The following KIF7 variants were observed in gnomAD, a reference collection of about 807,000 sequenced individuals.
KIF7 encodes the protein kinesin-like protein KIF7.
In KIF7, 104 loss-of-function variants were observed where a neutral mutation model predicts 135.7. The observed-to-expected ratio is 0.77, with a 90% CI of 0.65 to 0.90. KIF7 has a LOEUF of 0.90. Ranked by LOEUF, KIF7 falls within the 40% of genes least tolerant of loss-of-function variation. The pLI is 0.00. For missense variants in KIF7, 2,005 were observed against 1,839.1 expected (o/e 1.09, Z -1.65); for synonymous variants, 883 against 809.4 (o/e 1.09, Z -1.54).
intron 11 of KIF7, among the ~76,000 whole-genome samples, chr15:89,634,548 G>C (rs1422133650): frequency 2.0e-5 from 3 of 152,214 alleles, no homozygotes; most frequent in Non-Finnish European, 2.9e-5. Context: ...CCCTTTCCTA[G>C]TCAAACGAAG....
Position 89,635,113 on chromosome 15 carries a change from G to C in KIF7, c.2395-1230C>G, listed in dbSNP as rs550181511. The stretch of plus-strand genomic sequence containing the variant: ...GTACTCCAACAGACCTGCAGCTGAG[G>C]GTCCTGTATGTTAGAAGGAAAACTA... On this transcript the variant is annotated intron_variant, in intron 11 of 18. Transcript: ENST00000394412. Among the ~76,000 whole-genome samples, 6 of 151,728 alleles carry C rather than the reference G, an allele frequency of 4.0e-5. No homozygotes were observed. The South Asian group carries it at 8.3e-4, about 21-fold the overall frequency.
intron 11 of KIF7, among the ~76,000 whole-genome samples, chr15:89,637,529 A>C (rs1345089897): frequency 1.3e-5 from 2 of 151,838 alleles, no homozygotes; most frequent in African/African-American, 4.8e-5. Context: ...CCATCAGAGA[A>C]TACTACAAAC....
chr15:89,630,558 C>T, intron 15 of KIF7, 65 bp from the exon 16 acceptor site: 4 of 1,344,676 alleles, frequency 3.0e-6, no homozygotes, highest in South Asian at 2.5e-5. Context: ...CCTGGGCAGA[C>T]ATGCAACAGC....
At chr15:89,630,719 C>A in intron 15 of KIF7, 1 of 598,182 alleles carries the variant, frequency 1.7e-6, no homozygotes, top group Non-Finnish European at 3.0e-6. Flanking sequence ...AACTGCAAGC[C>A]TCTGTGAATG....
At chr15:89,624,395 C>A, downstream of KIF7, 1 of 1,614,218 alleles carries the variant, frequency 6.2e-7, no homozygotes, top group Non-Finnish European at 8.5e-7. Flanking sequence ...TCAACTCCCC[C>A]TGAACTCTCA....
At chr15:89,621,621 A>G (rs1203505434) in intron 1 of KIF7, 1 of 1,341,328 alleles carries the variant, frequency 7.5e-7, no homozygotes, top group Non-Finnish European at 1.0e-6. Flanking sequence ...AGGAACTCAG[A>G]GTCCATTAGG....
intron 1 of KIF7, chr15:89,621,372 GTTGC>G: frequency 6.3e-7 from 1 of 1,588,196 alleles, no homozygotes; most frequent in Non-Finnish European, 8.5e-7. Flanking sequence ...ATTAAATATT[GTTGC>G]TGTTTTTGAC....
At position 89,629,680 on chromosome 15, in the gene KIF7, A is replaced by G. The variant is rs115779159; in HGVS notation, c.3319-107T>C. ...GCACACTTGCCACCACGGCACTAAG[A>G]AATCACCAGGGTCTTCCCTGCTGAG... is the stretch of plus-strand genomic sequence containing the variant. On this transcript the variant is annotated intron_variant, in intron 16 of 18. Coordinates refer to ENST00000394412, the MANE Select transcript of KIF7 (RefSeq NM_198525.3). The G allele has an allele frequency of 3.4e-6, 5 of 1,462,970 alleles. No homozygotes were observed. In the African/African-American group the frequency reaches 6.9e-5, roughly 20 times the overall value. The allele number at this position is 1,462,970 out of a possible 1,614,324, so 90.6% of individuals were successfully genotyped here. A position where few individuals can be genotyped will look rare whatever the true frequency, so the allele number is the denominator to read the frequency against.
At chr15:89,625,573 A>G (rs772892188), downstream of KIF7, 14 of 1,612,948 alleles carry the variant, frequency 8.7e-6, no homozygotes, top group African/African-American at 5.3e-5. Context: ...TCCCAGGAAC[A>G]GCATGCCTAA....
At chr15:89,650,058 G>A in intron 2 of KIF7, 117 bp from the exon 3 acceptor site, 1 of 1,082,524 alleles carries the variant, frequency 9.2e-7, no homozygotes, top group East Asian at 2.6e-5. Context: ...GGATGGAGAA[G>A]GCAGTGGCCG....
Position 89,637,608 on chromosome 15 carries a change from A to G in KIF7, c.2395-3725T>C, listed in dbSNP as rs553140836. 2.9e-4 allele frequency among the ~76,000 whole-genome samples: 43 copies of G among 149,460 alleles called. 2 individuals carry two copies. The East Asian group carries it at 7.9e-3, about 27-fold the overall frequency. On this transcript the variant is annotated intron_variant, in intron 11 of 18. Coordinates refer to ENST00000394412, the MANE Select transcript of KIF7 (RefSeq NM_198525.3). The stretch of plus-strand genomic sequence containing the variant: ...ATTCCTCGACACATACACTCTCCCA[A>G]GACTAAACCAGGAAGAAGTTGAATC...
chr15:89,646,763 C>A, intron 7 of KIF7, 67 bp downstream of exon 7: 1 of 1,468,416 alleles, frequency 6.8e-7, no homozygotes. Context: ...CCAGTGCCCC[C>A]TTCCCCTGCC....
intron 1 of KIF7, among the ~76,000 whole-genome samples, chr15:89,621,982 CTTTTTTTTTTT>C (rs34123859): frequency 1.1e-5 from 1 of 87,778 alleles, no homozygotes; most frequent in Non-Finnish European, 2.1e-5. Flanking sequence ...CAAACTGACT[CTTTTTTTTTTT>C]TTTTTTTTTT....
intron 2 of KIF7, among the ~76,000 whole-genome samples, chr15:89,650,670 G>A (rs916429480): frequency 1.3e-5 from 2 of 152,116 alleles, no homozygotes; most frequent in Non-Finnish European, 2.9e-5. Context: ...GGGATTACAG[G>A]CATGAGCCAC....
rs757175418 is a variant in KIF7, at chr15:89,633,858, G to T, written c.2420C>A (p.Thr807Lys). ...VQVLKEKKQATERLVSLSAQS... is the reference protein window; with the variant it reads ...VQVLKEKKQAKERLVSLSAQS... Reference sequence around the variant, plus strand: ...GGCCGACAGTGACACCAGCCGCTCCGTAGCCTGCTTCTTCTCCTTCAGCAC... The same window carrying T: ...GGCCGACAGTGACACCAGCCGCTCCTTAGCCTGCTTCTTCTCCTTCAGCAC... Residue 807 changes from threonine (T) to lysine (K), a missense_variant, in exon 12 of 19, where the codon ACG becomes AAG. By Grantham distance (78) the Thr-to-Lys change is moderately conservative. Coordinates refer to ENST00000394412, the MANE Select transcript of KIF7 (RefSeq NM_198525.3). 1 of 1,613,688 alleles carries T rather than the reference G, an allele frequency of 6.2e-7. No individual in the cohort carries two copies. The highest frequency in any genetic ancestry group is 1.3e-5 in the African/African-American group (1 of 75,052).
rs963725741 is a variant in KIF7 at position 89,652,934 on chromosome 15, G to T, written c.-4C>A. The T allele has an allele frequency of 1.3e-6, 2 of 1,508,812 alleles. No individual in the cohort carries two copies. Among genetic ancestry groups the T allele is most frequent in the South Asian group, 2.5e-5 (2 of 79,946 alleles). The allele number at this position is 1,508,812 out of a possible 1,614,324, so 93.5% of individuals were successfully genotyped here. On this transcript the variant is annotated 5_prime_UTR_variant, in exon 2 of 19. Transcript: ENST00000394412. ...GCCTCTGAGCCTCCAGCCCCATGCCGAGGGAGGACTGCTCTGGGCCCTGTG... is the reference window on the plus strand; with the variant it reads ...GCCTCTGAGCCTCCAGCCCCATGCCTAGGGAGGACTGCTCTGGGCCCTGTG...
intron 11 of KIF7, 127 bp downstream of exon 11, chr15:89,642,076 G>T: frequency 1.0e-6 from 1 of 982,556 alleles, no homozygotes; most frequent in Non-Finnish European, 1.5e-6. Flanking sequence ...ACCCTGCAGG[G>T]CCAGGGCTGG....
At chr15:89,622,959 C>T (rs915101342) in intron 1 of KIF7, among the ~76,000 whole-genome samples, 3 of 152,192 alleles carry the variant, frequency 2.0e-5, no homozygotes, top group Non-Finnish European at 4.4e-5. Flanking sequence ...TTTTCACCTG[C>T]GTATGCCCCA....
At chr15:89,624,108 C>T (rs1347385350), downstream of KIF7, 2 of 1,613,820 alleles carry the variant, frequency 1.2e-6, no homozygotes, top group South Asian at 2.2e-5. Flanking sequence ...ATCAAACACA[C>T]CAACAGCCCC....
Sources: allele counts gnomAD v4.1 joint callset (sites outside exome capture counted in the v4.1 genomes callset), GRCh38; gene constraint gnomAD v4.1.1; transcripts MANE v1.5; gene names NCBI Gene and HGNC (gene_info 2026-07-23, HGNC 2026-07-21).